The following CCDC57 variants were observed in gnomAD, a reference collection of about 807,000 sequenced individuals.
CCDC57 encodes coiled-coil domain-containing protein 57.
A neutral mutation model predicts 118.9 loss-of-function variants in CCDC57; 118 were observed. The observed-to-expected ratio is 0.99, with a 90% CI of 0.86 to 1.16. The LOEUF (loss-of-function observed/expected upper bound fraction) is 1.16, where lower values mean the gene tolerates loss of function less well. Among genes scored for constraint, CCDC57 ranks in the 50% most tolerant of loss-of-function variants. The pLI is 0.00. For missense variants in CCDC57, 1,300 were observed against 1,320.7 expected, an observed-to-expected ratio of 0.98 and a Z score of 0.24; for synonymous variants, 527 against 532.9, an observed-to-expected ratio of 0.99 and a Z score of 0.15.
chr17:82,113,374 C>G (rs969746711), intron 19 of CCDC57: 1 of 717,278 alleles, frequency 1.4e-6, no homozygotes, highest in South Asian at 1.5e-5. Flanking sequence ...GACCTGCTCT[C>G]TCAGTCACAG....
At chr17:82,133,659 G>T (rs1368478596) in intron 17 of CCDC57, among the ~76,000 whole-genome samples, 2 of 151,732 alleles carry the variant, frequency 1.3e-5, no homozygotes, top group African/African-American at 4.8e-5. Context: ...TCAGGAGTTT[G>T]AAACCAGCCT....
At chr17:82,121,687 T>C (rs1436712260) in intron 19 of CCDC57, among the ~76,000 whole-genome samples, 2 of 152,214 alleles carry the variant, frequency 1.3e-5, no homozygotes, top group South Asian at 2.1e-4. Flanking sequence ...GACCTGGGAC[T>C]GAGGGCTCCG....
exon 15 of CCDC57, chr17:82,157,821 G>A: frequency 6.2e-7 from 1 of 1,604,378 alleles, no homozygotes; most frequent in South Asian, 1.1e-5. Context: ...CCCGTGCTGG[G>A]CTATCCTGAG....
intron 19 of CCDC57, among the ~76,000 whole-genome samples, chr17:82,119,285 A>G (rs2036347963): frequency 6.6e-6 from 1 of 151,938 alleles, no homozygotes; most frequent in South Asian, 2.1e-4. Context: ...AATGCTTGGT[A>G]GTTTCTCTAG....
chr17:82,195,143 T>G lies in CCDC57; in HGVS notation c.618+120A>C, dbSNP rs2048146915. 1.4e-5 allele frequency: 11 copies of G among 762,972 alleles called. No individual in the cohort carries two copies. In the East Asian group the frequency reaches 2.7e-4, roughly 19 times the overall value. The allele number at this position is 762,972 out of a possible 1,614,324, so 47.3% of individuals were successfully genotyped here. On this transcript the variant is annotated intron_variant, in intron 5 of 19. Coordinates refer to ENST00000665763, the Ensembl canonical transcript of CCDC57. ...CACCTGCTCGCTGGGCTTGAACTCC[T>G]GGGCCCAAGGGATCCTCTTGCCTTG...
intron 11 of CCDC57, among the ~76,000 whole-genome samples, chr17:82,176,385 A>AT (rs571802786): frequency 3.2e-3 from 494 of 152,220 alleles, no homozygotes; most frequent in Non-Finnish European, 5.4e-3. Flanking sequence ...TCATAAATTG[A>AT]TTTTATCTTG....
intron 19 of CCDC57, among the ~76,000 whole-genome samples, chr17:82,117,128 T>G (rs1199396613): frequency 6.6e-6 from 1 of 151,934 alleles, no homozygotes; most frequent in Non-Finnish European, 1.5e-5. Flanking sequence ...CCGAGGTAGA[T>G]CACTTGAGCC....
chr17:82,126,561 C>G, intron 19 of CCDC57: 1 of 985,280 alleles, frequency 1.0e-6, no homozygotes, highest in Non-Finnish European at 1.2e-6. Flanking sequence ...GATGCACGAC[C>G]TCCCAGCAGA....
intron 11 of CCDC57, among the ~76,000 whole-genome samples, chr17:82,174,911 C>G (rs1453115701): frequency 6.6e-6 from 1 of 152,168 alleles, no homozygotes; most frequent in Non-Finnish European, 1.5e-5. Context: ...GAATTTTGAG[C>G]GTTAGCCGTC....
intron 11 of CCDC57, 56 bp downstream of exon 10, chr17:82,178,418 A>G: frequency 2.0e-6 from 3 of 1,530,724 alleles, no homozygotes; most frequent in African/African-American, 1.4e-5. Context: ...ATCTGGTCCT[A>G]TTTTCCCACC....
intron 13 of CCDC57, among the ~76,000 whole-genome samples, chr17:82,167,384 CTTGT>C (rs2044126803): frequency 1.3e-5 from 2 of 149,248 alleles, no homozygotes. Flanking sequence ...GATTTTTGCT[CTTGT>C]AGCCCAGGCT....
intron 19 of CCDC57, chr17:82,126,466 T>C (rs2037452982): frequency 1.0e-6 from 1 of 976,530 alleles, no homozygotes; most frequent in African/African-American, 1.8e-5. Flanking sequence ...CTGCTACAAA[T>C]CAATAAGAAA....
exon 16 of CCDC57, chr17:82,151,735 C>G (rs971621864): frequency 6.5e-7 from 1 of 1,550,230 alleles, no homozygotes; most frequent in African/African-American, 1.4e-5. Context: ...AAAGCTCCCC[C>G]TGGTCCTCGG....
intron 16 of CCDC57, among the ~76,000 whole-genome samples, chr17:82,147,115 G>A (rs1239734126): frequency 6.6e-6 from 1 of 152,028 alleles, no homozygotes; most frequent in African/African-American, 2.4e-5. Flanking sequence ...GTAGGTGGAT[G>A]AGTGACTGGA....
At chr17:82,201,465 C>T in intron 3 of CCDC57, 73 bp downstream of exon 2, 1 of 1,454,342 alleles carries the variant, frequency 6.9e-7, no homozygotes, top group East Asian at 2.5e-5. Context: ...GCTCGGGCAG[C>T]ACAGCGGAGC....
intron 14 of CCDC57, among the ~76,000 whole-genome samples, chr17:82,159,710 C>G (rs910201924): frequency 2.7e-5 from 4 of 149,498 alleles, no homozygotes; most frequent in Admixed American, 2.7e-4. Context: ...CTTGCTCTGT[C>G]GCCCAGGCTG....
intron 16 of CCDC57, among the ~76,000 whole-genome samples, chr17:82,145,273 G>C (rs1487906989): frequency 6.7e-6 from 1 of 149,336 alleles, no homozygotes; most frequent in Non-Finnish European, 1.5e-5. Context: ...AGGTGATCAG[G>C]CGGTGGCTCA....
intron 14 of CCDC57, among the ~76,000 whole-genome samples, chr17:82,160,873 C>CAAAAAA (rs55750984): frequency 2.5e-4 from 15 of 60,834 alleles, no homozygotes; most frequent in Non-Finnish European, 2.9e-4. Flanking sequence ...GACTCTGTCT[C>CAAAAAA]AAAAAAAAAA....
At chr17:82,199,334 C>G (rs546146525) in intron 3 of CCDC57, among the ~76,000 whole-genome samples, 1 of 151,646 alleles carries the variant, frequency 6.6e-6, no homozygotes, top group Non-Finnish European at 1.5e-5. Flanking sequence ...AAAAATTAGC[C>G]GGGCATGGTG....
Sources: gnomAD v4.1 joint callset for allele counts (sites outside exome capture counted in the v4.1 genomes callset) on GRCh38, gnomAD v4.1.1 for gene constraint, MANE v1.5 for transcripts, NCBI Gene and HGNC (gene_info 2026-07-23, HGNC 2026-07-21) for gene names.